The following GUCY1A2 variants were observed in gnomAD, a reference collection of about 807,000 sequenced individuals.
GUCY1A2 encodes the protein guanylate cyclase soluble subunit alpha-2.
GUCY1A2 carries 27 observed loss-of-function variants against 63.5 expected under a neutral mutation model. That is an observed-to-expected ratio of 0.43 (90% CI 0.31 to 0.59). The LOEUF (loss-of-function observed/expected upper bound fraction) is 0.59, where lower values mean the gene tolerates loss of function less well. Among genes scored for constraint, GUCY1A2 ranks in the 20% least tolerant of loss-of-function variants. The pLI is 0.11. For missense variants in GUCY1A2, 768 were observed against 913.3 expected (o/e 0.84, Z 2.05); for synonymous variants, 364 against 343.5 (o/e 1.06, Z -0.66).
At position 106,985,928 on chromosome 11, in the gene GUCY1A2, C is replaced by G. The variant is rs180806022; in HGVS notation, c.365+142G>C. On this transcript the variant is annotated intron_variant, in intron 2 of 7. Transcript: ENST00000526355. ...CACTCCAAGGGACTCCCCCAATAAG[C>G]CTTCACGCCCCACACTATGAAAACA... The G allele has an allele frequency of 7.1e-4, 434 of 609,530 alleles. No homozygotes were observed. In the African/African-American group the frequency reaches 7.5e-3, roughly 10 times the overall value. 37.8% of individuals were successfully genotyped at this position (609,530 alleles called of 1,614,324 possible).
intron 4 of GUCY1A2, among the ~76,000 whole-genome samples, chr11:106,929,868 T>G (rs1405765726): frequency 6.6e-6 from 1 of 152,174 alleles, no homozygotes; most frequent in African/African-American, 2.4e-5. Context: ...TGATAACTAT[T>G]TAAATATTTG....
intron 4 of GUCY1A2, chr11:106,936,646 T>TA: frequency 1.3e-6 from 2 of 1,510,404 alleles, no homozygotes; most frequent in Non-Finnish European, 1.8e-6. Context: ...AGTTTTTTTC[T>TA]AACCTCAAGA....
At chr11:106,717,400 G>A (rs1863234688) in intron 6 of GUCY1A2, among the ~76,000 whole-genome samples, 1 of 152,066 alleles carries the variant, frequency 6.6e-6, no homozygotes, top group Non-Finnish European at 1.5e-5. Flanking sequence ...ATGGTGTCAA[G>A]GACAATGACA....
chr11:106,729,321 C>T (rs994635203), intron 6 of GUCY1A2, among the ~76,000 whole-genome samples: 2 of 152,084 alleles, frequency 1.3e-5, no homozygotes, highest in Admixed American at 6.6e-5. Context: ...GATTGAGGAT[C>T]TTTTAAGTCT....
intron 5 of GUCY1A2, among the ~76,000 whole-genome samples, chr11:106,808,091 T>A (rs1382179079): frequency 6.6e-6 from 1 of 152,108 alleles, no homozygotes; most frequent in Non-Finnish European, 1.5e-5. Context: ...AAACTCCCTT[T>A]CATATATACA....
intron 2 of GUCY1A2, among the ~76,000 whole-genome samples, chr11:106,983,891 T>C (rs1861368364): frequency 6.6e-6 from 1 of 152,146 alleles, no homozygotes; most frequent in African/African-American, 2.4e-5. Context: ...TTTTTCACAA[T>C]TAGAGATAGG....
intron 5 of GUCY1A2, among the ~76,000 whole-genome samples, chr11:106,787,811 A>G (rs761138891): frequency 2.6e-5 from 4 of 151,842 alleles, no homozygotes; most frequent in Non-Finnish European, 5.9e-5. Flanking sequence ...TTTCTTCCAA[A>G]TCTTGGCTAT....
intron 7 of GUCY1A2, among the ~76,000 whole-genome samples, chr11:106,691,044 T>C (rs886098859): frequency 6.6e-5 from 10 of 152,214 alleles, no homozygotes; most frequent in African/African-American, 2.4e-4. Context: ...TACAGCAGTT[T>C]TAATTTAGCA....
At chr11:106,703,636 C>T (rs529977865) in intron 7 of GUCY1A2, among the ~76,000 whole-genome samples, 38 of 152,232 alleles carry the variant, frequency 2.5e-4, no homozygotes, top group African/African-American at 8.2e-4. Context: ...GGCCTCATGA[C>T]GCCCACGCTG....
At chr11:106,799,704 C>T (rs1422128256) in intron 5 of GUCY1A2, among the ~76,000 whole-genome samples, 1 of 152,196 alleles carries the variant, frequency 6.6e-6, no homozygotes, top group Non-Finnish European at 1.5e-5. Flanking sequence ...GAAGCTGAAA[C>T]TAGATCCCTT....
In GUCY1A2 at chr11:106,706,052, T is replaced by C. The variant is rs1862904320; in HGVS notation, c.1991+2460A>G. Among the ~76,000 whole-genome samples the C allele has an allele frequency of 3.3e-5, 5 of 152,252 alleles. No individual in the cohort carries two copies. The South Asian group carries it at 1.0e-3, about 32-fold the overall frequency. On this transcript the variant is annotated intron_variant, in intron 7 of 7. Transcript: ENST00000526355. ...TTATTATCTTTTCAGTACTCCACAA[T>C]AGTTACAAAAATATTTTTAAAATTC...
At chr11:106,862,991 G>A (rs575324256) in intron 4 of GUCY1A2, among the ~76,000 whole-genome samples, 1 of 152,164 alleles carries the variant, frequency 6.6e-6, no homozygotes, top group African/African-American at 2.4e-5. Flanking sequence ...TCTGTGACCT[G>A]GGACAGAGGT....
At chr11:106,900,189 GTTATTA>G (rs2135484279) in intron 4 of GUCY1A2, among the ~76,000 whole-genome samples, 1 of 151,584 alleles carries the variant, frequency 6.6e-6, no homozygotes, top group East Asian at 1.9e-4. Flanking sequence ...TTTTATTATT[GTTATTA>G]TTATTTTGAG....
chr11:106,799,018 T>C (rs890750946), intron 5 of GUCY1A2, among the ~76,000 whole-genome samples: 16 of 152,130 alleles, frequency 1.1e-4, no homozygotes, highest in East Asian at 5.8e-4. Context: ...AAAACCCCAT[T>C]GTCTCAGCCC....
chr11:106,887,847 A>G (rs1403550244), intron 4 of GUCY1A2, among the ~76,000 whole-genome samples: 1 of 152,232 alleles, frequency 6.6e-6, no homozygotes, highest in Non-Finnish European at 1.5e-5. Flanking sequence ...ATTAAAAGCC[A>G]GGGAATTAGG....
chr11:106,945,359 GA>G (rs747517895), intron 3 of GUCY1A2, among the ~76,000 whole-genome samples: 32 of 149,790 alleles, frequency 2.1e-4, no homozygotes, highest in Non-Finnish European at 4.3e-4. Flanking sequence ...ATCACTCAGT[GA>G]AACACCTTAG....
chr11:106,684,886 G>T lies in GUCY1A2; in HGVS notation c.*2663C>A, dbSNP rs1862497226. 4.8e-6 allele frequency: 1 copy of T among 207,288 alleles called. No homozygotes were observed. Among genetic ancestry groups the T allele is most frequent in the East Asian group, 7.4e-5 (1 of 13,598 alleles). The allele number at this position is 207,288 out of a possible 1,614,324, so 12.8% of individuals were successfully genotyped here. On this transcript the variant is annotated 3_prime_UTR_variant, in exon 8 of 8. Transcript: ENST00000526355. ...ATGAAATAACAAATGCCACCACATT[G>T]TTACAATCACAATTCCTAAGAGAAG...
chr11:106,904,645 T>C (rs750409627), intron 4 of GUCY1A2, among the ~76,000 whole-genome samples: 2 of 151,992 alleles, frequency 1.3e-5, no homozygotes, highest in African/African-American at 2.4e-5. Flanking sequence ...GGCACTGAGG[T>C]AGATGTTAAA....
Position 106,820,252 on chromosome 11 carries a change from CCATTT to C in GUCY1A2, c.1207-9779_1207-9775del, listed in dbSNP as rs1858884059. Reference sequence around the variant, plus strand: ...ATCCTAATGTCTGCATTTATAATAACCATTTATTTGTTTTAAAAATATTTACTTAA... The same window carrying C: ...ATCCTAATGTCTGCATTTATAATAACATTTGTTTTAAAAATATTTACTTAA... On this transcript the variant is annotated intron_variant, in intron 4 of 7. Coordinates refer to ENST00000526355, the MANE Select transcript of GUCY1A2 (RefSeq NM_000855.3). 2.0e-5 allele frequency among the ~76,000 whole-genome samples: 3 copies of C among 152,142 alleles called. No individual in the cohort carries two copies. In the South Asian group the frequency reaches 6.2e-4, roughly 32 times the overall value.
Sources: gnomAD v4.1 joint callset for allele counts (sites outside exome capture counted in the v4.1 genomes callset) on GRCh38, gnomAD v4.1.1 for gene constraint, MANE v1.5 for transcripts, NCBI Gene and HGNC (gene_info 2026-07-23, HGNC 2026-07-21) for gene names.